Variants in ATP9B observed in about 807,000 individuals in gnomAD.
ATP9B encodes probable phospholipid-transporting ATPase IIB.
ATP9B carries 110 observed loss-of-function variants against 146.1 expected under a neutral mutation model. The observed-to-expected ratio is 0.75, with a 90% confidence interval of 0.65 to 0.88. ATP9B has a LOEUF of 0.88. Ranked by LOEUF, ATP9B falls within the 40% of genes least tolerant of loss-of-function variation. ATP9B has a pLI of 0.00. For synonymous variants in ATP9B, 604 were observed against 569.7 expected (o/e 1.06, Z -0.86); for missense variants, 1,499 against 1,496.4 (o/e 1.00, Z -0.03).
At chr18:79,351,838 G>A (rs2096923912) in intron 25 of ATP9B, among the ~76,000 whole-genome samples, 1 of 150,742 alleles carries the variant, frequency 6.6e-6, no homozygotes, top group South Asian at 2.1e-4. Context: ...GATGGGGGAT[G>A]GGGCAGCAGG....
chr18:79,281,453 C>T (rs1348109724), intron 13 of ATP9B, among the ~76,000 whole-genome samples: 3 of 151,782 alleles, frequency 2.0e-5, no homozygotes, highest in Non-Finnish European at 2.9e-5. Flanking sequence ...GGCGAGATCA[C>T]GCCATTGCAT....
At chr18:79,102,573 T>G (rs1226716257) in intron 2 of ATP9B, among the ~76,000 whole-genome samples, 1 of 152,194 alleles carries the variant, frequency 6.6e-6, no homozygotes, top group East Asian at 1.9e-4. Flanking sequence ...ATGGGTAGGC[T>G]AATTCTTCTT....
chr18:79,133,508 A>AACACACACACAC (rs370697424), intron 5 of ATP9B, among the ~76,000 whole-genome samples: 18 of 147,786 alleles, frequency 1.2e-4, no homozygotes, highest in African/African-American at 4.2e-4. Context: ...AGTGGTTATA[A>AACACACACACAC]ACACACACAC....
intron 13 of ATP9B, among the ~76,000 whole-genome samples, chr18:79,279,319 A>T (rs1362031131): frequency 6.6e-6 from 1 of 152,174 alleles, no homozygotes; most frequent in African/African-American, 2.4e-5. Context: ...CTTGATTTGG[A>T]AACCAGCCCT....
intron 12 of ATP9B, among the ~76,000 whole-genome samples, chr18:79,272,147 A>T (rs1316984491): frequency 1.3e-5 from 2 of 152,154 alleles, no homozygotes; most frequent in Non-Finnish European, 2.9e-5. Flanking sequence ...CCTTTGTCAG[A>T]TGAGTAGATT....
At chr18:79,204,352 TA>T (rs1481735886) in intron 9 of ATP9B, among the ~76,000 whole-genome samples, 1 of 152,148 alleles carries the variant, frequency 6.6e-6, no homozygotes, top group Admixed American at 6.5e-5. Flanking sequence ...TGAAACTATA[TA>T]AAAAATAAAG....
At chr18:79,227,173 T>C (rs1414096567) in intron 11 of ATP9B, among the ~76,000 whole-genome samples, 1 of 152,162 alleles carries the variant, frequency 6.6e-6, no homozygotes, top group Non-Finnish European at 1.5e-5. Context: ...ACCCATCATT[T>C]TTTTAGTATT....
At chr18:79,078,706 GA>G (rs1168333698) in intron 1 of ATP9B, among the ~76,000 whole-genome samples, 2 of 150,472 alleles carry the variant, frequency 1.3e-5, no homozygotes, top group African/African-American at 4.9e-5. Context: ...TACTTGTGCA[GA>G]ATGTGCAGGT....
chr18:79,114,361 T>C (rs2094026843), intron 4 of ATP9B, among the ~76,000 whole-genome samples: 3 of 151,914 alleles, frequency 2.0e-5, no homozygotes. Context: ...GAAAGAAGAG[T>C]GCAGTCCTCG....
chr18:79,208,371 A>G (rs1025906864), intron 10 of ATP9B, among the ~76,000 whole-genome samples: 2 of 152,238 alleles, frequency 1.3e-5, no homozygotes, highest in Non-Finnish European at 2.9e-5. Flanking sequence ...AAACAGTGTG[A>G]GGAGCATTCC....
chr18:79,211,345 A>G (rs888863089), intron 10 of ATP9B, among the ~76,000 whole-genome samples: 1 of 152,252 alleles, frequency 6.6e-6, no homozygotes, highest in African/African-American at 2.4e-5. Flanking sequence ...CAAGGAAGGC[A>G]CATAGTAACT....
At chr18:79,186,397 T>C (rs1037020693) in intron 8 of ATP9B, among the ~76,000 whole-genome samples, 7 of 152,172 alleles carry the variant, frequency 4.6e-5, no homozygotes, top group African/African-American at 1.7e-4. Flanking sequence ...TTCTCATTAT[T>C]GTGCCATTTA....
chr18:79,133,698 T>C (rs1355020764), intron 5 of ATP9B, among the ~76,000 whole-genome samples: 1 of 152,248 alleles, frequency 6.6e-6, no homozygotes, highest in Admixed American at 6.5e-5. Context: ...CTTCATGATA[T>C]ATCAACTACA....
intron 2 of ATP9B, among the ~76,000 whole-genome samples, chr18:79,106,872 A>G (rs937379198): frequency 5.3e-5 from 8 of 152,212 alleles, no homozygotes; most frequent in Admixed American, 5.2e-4. Flanking sequence ...GCTGCTGTTT[A>G]CAGTGCTCAT....
chr18:79,150,499 T>C (rs2094671144), intron 6 of ATP9B, among the ~76,000 whole-genome samples: 1 of 152,206 alleles, frequency 6.6e-6, no homozygotes. Context: ...GAGAAGTAGC[T>C]GTGCGTTCAC....
rs929586593 is a variant in ATP9B at position 79,330,529 on chromosome 18, C to T, written c.2028+425C>T. ...CCAGGTTCAAGCGATTCTCCTGCCT[C>T]AGCCTCCCAAGTAGCTGGGACTACA... On this transcript the variant is annotated intron_variant, in intron 17 of 29. Transcript: ENST00000426216. Among the ~76,000 whole-genome samples, 51 of 152,042 alleles carry T rather than the reference C, an allele frequency of 3.4e-4. 1 individual carries two copies. The highest frequency in any genetic ancestry group is 1.2e-3 in the African/African-American group (49 of 41,446).
At chr18:79,328,053 T>TGTGGTTAG (rs2096769401) in intron 15 of ATP9B, among the ~76,000 whole-genome samples, 1 of 77,536 alleles carries the variant, frequency 1.3e-5, no homozygotes, top group African/African-American at 6.1e-5. Context: ...GCGTGCTCTC[T>TGTGGTTAG]CTGGTTAGCG....
intron 26 of ATP9B, among the ~76,000 whole-genome samples, chr18:79,366,322 A>C (rs1226155058): frequency 6.6e-6 from 1 of 152,236 alleles, no homozygotes; most frequent in Non-Finnish European, 1.5e-5. Flanking sequence ...GGAGGAATGC[A>C]GACAGCGGCC....
intron 12 of ATP9B, among the ~76,000 whole-genome samples, chr18:79,261,516 A>G (rs2096141305): frequency 6.6e-6 from 1 of 152,100 alleles, no homozygotes; most frequent in Admixed American, 6.5e-5. Flanking sequence ...CCAGAGCTGG[A>G]GAGAGGCAGA....
Sources: allele counts gnomAD v4.1 joint callset (sites outside exome capture counted in the v4.1 genomes callset), GRCh38; gene constraint gnomAD v4.1.1; transcripts MANE v1.5; gene names NCBI Gene and HGNC (gene_info 2026-07-23, HGNC 2026-07-21).